Variants in DNAAF5 observed in about 807,000 individuals in gnomAD.
The protein encoded by DNAAF5 is dynein axonemal assembly factor 5.
Under a neutral mutation model 75.8 loss-of-function variants are expected in DNAAF5, and 64 were observed. The observed-to-expected ratio is 0.84, with a 90% CI of 0.69 to 1.04. DNAAF5 has a LOEUF of 1.04. Ranked by LOEUF, DNAAF5 falls within the 50% of genes least tolerant of loss-of-function variation. The pLI, the probability that DNAAF5 is intolerant of heterozygous loss-of-function variation, is 0.00. For synonymous variants in DNAAF5, 657 were observed against 557.2 expected (o/e 1.18, Z -2.52); for missense variants, 1,269 against 1,178.5 (o/e 1.08, Z -1.12).
chr7:783,175 C>T (rs556615153), intron 12 of DNAAF5, among the ~76,000 whole-genome samples: 6 of 152,366 alleles, frequency 3.9e-5, no homozygotes, highest in African/African-American at 1.4e-4. Flanking sequence ...CCCGCGTCCG[C>T]ACAGCCAGGG....
chr7:771,365 T>C (rs1406245321), intron 9 of DNAAF5: 1 of 152,324 alleles, frequency 6.6e-6, no homozygotes, highest in Non-Finnish European at 1.5e-5. Context: ...GCCACTTACT[T>C]TGCTCAGAGC....
chr7:771,188 C>T (rs1778552931), intron 9 of DNAAF5: 1 of 152,332 alleles, frequency 6.6e-6, no homozygotes, highest in Non-Finnish European at 1.5e-5. Context: ...TCTTTGTTAT[C>T]TAAGACAACT....
chr7:773,961 C>T (rs900810510), intron 9 of DNAAF5, 87 bp from the exon 10 acceptor site: 22 of 1,494,412 alleles, frequency 1.5e-5, no homozygotes, highest in Admixed American at 5.0e-5. Flanking sequence ...TTTGGCTCCC[C>T]CCTCAGCCCC....
intron 8 of DNAAF5, among the ~76,000 whole-genome samples, chr7:766,999 G>T (rs2128082002): frequency 6.6e-6 from 1 of 152,154 alleles, no homozygotes; most frequent in African/African-American, 2.4e-5. Context: ...CAGCACTTTG[G>T]GAGGCCGAGG....
intron 12 of DNAAF5, among the ~76,000 whole-genome samples, chr7:783,634 T>C (rs1376444866): frequency 1.3e-5 from 2 of 152,268 alleles, no homozygotes; most frequent in African/African-American, 2.4e-5. Context: ...TGGAGACCAA[T>C]TGGAAATTGT....
At position 768,925 on chromosome 7, in the gene DNAAF5, G is replaced by A. The variant is rs890927592; in HGVS notation, c.1784-1546G>A. ...GAAGCAGCGTGGTTCTCGTGGCAGG[G>A]CGGCACTTGGCCCAAGACTCGTGCT... On this transcript the variant is annotated intron_variant, in intron 8 of 12. Transcript: ENST00000297440. 1.3e-4 allele frequency: 71 copies of A among 551,240 alleles called. No homozygotes were observed. The South Asian group carries it at 1.6e-3, about 12-fold the overall frequency. The allele number at this position is 551,240 out of a possible 1,614,324, so 34.1% of individuals were successfully genotyped here. A position where few individuals can be genotyped will look rare whatever the true frequency, so the allele number is the denominator to read the frequency against.
At chr7:763,291 A>G (rs62432253) in intron 7 of DNAAF5, among the ~76,000 whole-genome samples, 126,507 of 152,172 alleles carry the variant, frequency 0.83, 52,664 homozygotes, top group South Asian at 0.9. Flanking sequence ...GCTTGGGGCA[A>G]TGGCCACCGG....
At chr7:740,431 A>G (rs1224299871) in intron 2 of DNAAF5, among the ~76,000 whole-genome samples, 2 of 152,206 alleles carry the variant, frequency 1.3e-5, no homozygotes, top group Non-Finnish European at 2.9e-5. Context: ...AGGGTGAGAC[A>G]GGCCCAGCCC....
intron 12 of DNAAF5, among the ~76,000 whole-genome samples, chr7:783,091 G>A (rs956382248): frequency 6.6e-6 from 1 of 152,226 alleles, no homozygotes; most frequent in African/African-American, 2.4e-5. Flanking sequence ...TTGTATCCTC[G>A]GCCACAAACC....
intron 12 of DNAAF5, among the ~76,000 whole-genome samples, chr7:780,970 T>G (rs1280290852): frequency 6.6e-6 from 1 of 152,162 alleles, no homozygotes; most frequent in Non-Finnish European, 1.5e-5. Flanking sequence ...GCATGCAGTG[T>G]GTGTAAATCA....
intron 12 of DNAAF5, among the ~76,000 whole-genome samples, chr7:783,330 C>T (rs964597756): frequency 4.0e-4 from 61 of 152,222 alleles, no homozygotes; most frequent in African/African-American, 1.3e-3. Flanking sequence ...CAGGTGAAGC[C>T]GTGTGCTCGA....
At chr7:774,548 C>A (rs1467198534) in intron 10 of DNAAF5, among the ~76,000 whole-genome samples, 1 of 111,958 alleles carries the variant, frequency 8.9e-6, no homozygotes, top group African/African-American at 3.1e-5. Context: ...GAGGACGGGC[C>A]TGGGCTTTCC....
rs1229892599 is a variant in DNAAF5, at chr7:731,428, A to G, written c.780+1581A>G. 2.0e-5 allele frequency among the ~76,000 whole-genome samples: 3 copies of G among 152,244 alleles called. No individual in the cohort carries two copies. In the East Asian group the frequency reaches 5.8e-4, roughly 29 times the overall value. Reference sequence around the variant, plus strand: ...GTAAACGGTGTAACTCAGTATAACTATACCGTAACTCTAAAAATACCATAA... The same window carrying G: ...GTAAACGGTGTAACTCAGTATAACTGTACCGTAACTCTAAAAATACCATAA... On this transcript the variant is annotated intron_variant, in intron 2 of 12. Transcript: ENST00000297440.
At position 756,765 on chromosome 7, in the gene DNAAF5, A is replaced by G. The variant is rs1197699017; in HGVS notation, c.1258-17A>G. 1.2e-6 allele frequency: 2 copies of G among 1,609,540 alleles called. No individual in the cohort carries two copies. The highest frequency in any genetic ancestry group is 1.7e-5 in the Admixed American group (1 of 59,932). ...CTCGGGTTTGGCTCTGAGTTTTCTC[A>G]TGTTTCTTTCTCGCAGTGTACCAGA... is the stretch of plus-strand genomic sequence containing the variant. On this transcript the variant is annotated splice_polypyrimidine_tract_variant and intron_variant, in intron 5 of 12. Transcript: ENST00000297440.
rs1309774862 is a variant in DNAAF5, at chr7:747,678, CCGGCTGGTGTG to C, written c.1024+6215_1024+6225del. Among the ~76,000 whole-genome samples the C allele has an allele frequency of 4.7e-3, 641 of 136,698 alleles. 6 individuals are homozygous for C. Among genetic ancestry groups the C allele is most frequent in the East Asian group, 0.036 (156 of 4,382 alleles). 89.7% of individuals were successfully genotyped at this position (136,698 alleles called of 152,430 possible). ...GTGGGGTTTGCTGGTTTCAGTGTGT[CCGGCTGGTGTG>C]CAGTGGTGGCCCACGGTGTTGGTGG... On this transcript the variant is annotated intron_variant, in intron 4 of 12. Transcript: ENST00000297440.
Position 764,164 on chromosome 7 carries a change from CTG to C in DNAAF5, c.1783+193_1783+194del, listed in dbSNP as rs374536194. On this transcript the variant is annotated intron_variant, in intron 8 of 12. Transcript: ENST00000297440. ...ATTTTAAGGAGCATCGCATTGAAGA[CTG>C]TGGGACGCAGCTCTTCCACTTGGCC... 1.8e-3 allele frequency among the ~76,000 whole-genome samples: 278 copies of C among 152,368 alleles called. 1 individual carries two copies. The highest frequency in any genetic ancestry group is 0.017 in the Middle Eastern group (5 of 294).
chr7:763,949 G>A lies in DNAAF5; in HGVS notation c.1758G>A (p.Gln586=). 1 of 1,606,476 alleles carries A rather than the reference G, an allele frequency of 6.2e-7. No individual in the cohort carries two copies. Among genetic ancestry groups the A allele is most frequent in the Non-Finnish European group, 8.5e-7 (1 of 1,179,998 alleles). ...DWTAHSPELL[Q]FSVIVAQSGP... ...CCGCACACTCGCCGGAGCTCCTGCA[G>A]TTCAGTGTCATCGTCGCACAGTCAG... Residue 586 remains glutamine, a synonymous_variant, in exon 8 of 13, where the codon CAG becomes CAA. Transcript: ENST00000297440.
chr7:737,774 G>A (rs777874319), intron 2 of DNAAF5, among the ~76,000 whole-genome samples: 8 of 152,168 alleles, frequency 5.3e-5, no homozygotes, highest in Admixed American at 2.6e-4. Flanking sequence ...CTGAGAAGTC[G>A]TTGCCAGGCG....
In DNAAF5 at chr7:758,743, C is replaced by T. The variant is rs1475158265; in HGVS notation, c.1470+1749C>T. Among the ~76,000 whole-genome samples the T allele has an allele frequency of 2.0e-5, 3 of 152,028 alleles. No individual in the cohort carries two copies. In the East Asian group the frequency reaches 5.8e-4, roughly 29 times the overall value. ...TGTCACCCAGGCTAGAATGCAGTGGCGCAATCTTGGCTCACTGCAGCCTCC... is the reference window on the plus strand; with the variant it reads ...TGTCACCCAGGCTAGAATGCAGTGGTGCAATCTTGGCTCACTGCAGCCTCC... On this transcript the variant is annotated intron_variant, in intron 6 of 12. Transcript: ENST00000297440.
Sources: allele counts gnomAD v4.1 joint callset (sites outside exome capture counted in the v4.1 genomes callset), GRCh38; gene constraint gnomAD v4.1.1; transcripts MANE v1.5; gene names NCBI Gene and HGNC (gene_info 2026-07-23, HGNC 2026-07-21).